Variants in SLC1A2 observed in about 807,000 individuals in gnomAD.
SLC1A2 encodes excitatory amino acid transporter 2.
In SLC1A2, 15 loss-of-function variants were observed where a neutral mutation model predicts 48.8. The ratio of observed to expected loss-of-function variants is 0.31; its 90% confidence interval spans 0.21 to 0.47. The LOEUF is 0.47. Among genes scored for constraint, SLC1A2 ranks in the 20% least tolerant of loss-of-function variants. The pLI is 0.99. For synonymous variants in SLC1A2, 279 were observed against 272.6 expected, an observed-to-expected ratio of 1.02 and a Z score of -0.23; for missense variants, 502 against 730.5, an observed-to-expected ratio of 0.69 and a Z score of 3.61.
rs962215961 is a variant in SLC1A2 at position 35,419,502 on chromosome 11, G to T, written c.-536C>A. 6.3e-6 allele frequency: 1 copy of T among 159,444 alleles called. No homozygotes were observed. The highest frequency in any genetic ancestry group is 2.4e-5 in the African/African-American group (1 of 41,602). 9.9% of individuals were successfully genotyped at this position (159,444 alleles called of 1,614,324 possible). A position where few individuals can be genotyped will look rare whatever the true frequency, so the allele number is the denominator to read the frequency against. On this transcript the variant is annotated 5_prime_UTR_variant, in exon 1 of 11. Transcript: ENST00000278379. This position sits in a 1 kb window ranked among gnomAD's most constrained non-coding sequence, Gnocchi z 5.4. Reference sequence around the variant, plus strand: ...AGGGATTGCAAGGTTTAGCCCCGCCGGAGCTGGGGATTTGCAGGCGATCCC... The same window carrying T: ...AGGGATTGCAAGGTTTAGCCCCGCCTGAGCTGGGGATTTGCAGGCGATCCC...
Position 35,255,821 on chromosome 11 carries a change from G to A in SLC1A2, c.*5073C>T, listed in dbSNP as rs868845963. On this transcript the variant is annotated 3_prime_UTR_variant, in exon 11 of 11. Coordinates refer to ENST00000278379, the MANE Select transcript of SLC1A2 (RefSeq NM_004171.4). ...CTTTTATTAAAAAACTTTTATTGGT[G>A]TCTCAAAATATCAAACTGTGAATGA... is the stretch of plus-strand genomic sequence containing the variant. The A allele has an allele frequency of 1.3e-5, 2 of 152,194 alleles. No homozygotes were observed. The highest frequency in any genetic ancestry group is 6.5e-5 in the Admixed American group (1 of 15,284). The allele number at this position is 152,194 out of a possible 1,614,324, so 9.4% of individuals were successfully genotyped here.
chr11:35,399,552 A>G (rs941195505), intron 1 of SLC1A2: 12 of 955,150 alleles, frequency 1.3e-5, no homozygotes, highest in Admixed American at 1.2e-4. Context: ...GAGACAAGAT[A>G]GTTACGAACA....
At chr11:35,378,191 T>C (rs962084779) in intron 1 of SLC1A2, among the ~76,000 whole-genome samples, 11 of 152,196 alleles carry the variant, frequency 7.2e-5, no homozygotes, top group African/African-American at 2.7e-4. Flanking sequence ...AAAAGCAATA[T>C]GCAAATTTAG....
rs112204760 is a variant in SLC1A2 at position 35,367,652 on chromosome 11, C to T, written c.18-50136G>A. On this transcript the variant is annotated intron_variant, in intron 1 of 10. Transcript: ENST00000278379. ...CATTTTTCCTTCACTCTGTCCTTGA[C>T]GTTTATTATGATCCACGTGCTACCA... is the stretch of plus-strand genomic sequence containing the variant. 9.5e-3 allele frequency among the ~76,000 whole-genome samples: 1,441 copies of T among 152,298 alleles called. 21 individuals are homozygous for T. Among genetic ancestry groups the T allele is most frequent in the African/African-American group, 0.027 (1,137 of 41,556 alleles).
intron 1 of SLC1A2, among the ~76,000 whole-genome samples, chr11:35,402,798 G>A (rs183685668): frequency 6.6e-5 from 10 of 152,336 alleles, no homozygotes; most frequent in Admixed American, 3.9e-4. Flanking sequence ...AAGACACCAC[G>A]CATTTGGAGT....
chr11:35,299,686 C>T (rs1171810072), intron 6 of SLC1A2: 2 of 148,016 alleles, frequency 1.4e-5, no homozygotes, highest in Non-Finnish European at 3.0e-5. Context: ...ACTACAGGCA[C>T]ATCACCATGT....
At chr11:35,399,024 G>C (rs1180897698) in intron 1 of SLC1A2, among the ~76,000 whole-genome samples, 1 of 152,172 alleles carries the variant, frequency 6.6e-6, no homozygotes, top group Non-Finnish European at 1.5e-5. Context: ...CTATGGCTGG[G>C]TCATTAGGGA....
At chr11:35,290,411 TATG>T (rs1464037902) in intron 7 of SLC1A2, among the ~76,000 whole-genome samples, 2 of 152,188 alleles carry the variant, frequency 1.3e-5, no homozygotes, top group African/African-American at 4.8e-5. Flanking sequence ...ATACAACTTT[TATG>T]ATACGTTGAC....
intron 1 of SLC1A2, among the ~76,000 whole-genome samples, chr11:35,417,259 T>A (rs963918768): frequency 6.6e-6 from 1 of 152,248 alleles, no homozygotes; most frequent in Non-Finnish European, 1.5e-5. Context: ...GAATGTCACA[T>A]CATTTGACAG....
At chr11:35,396,721 C>T (rs1165470314) in intron 1 of SLC1A2, among the ~76,000 whole-genome samples, 1 of 152,096 alleles carries the variant, frequency 6.6e-6, no homozygotes, top group African/African-American at 2.4e-5. Flanking sequence ...GTTGCCATTG[C>T]TTTTGGTGTT....
At chr11:35,370,868 A>T in intron 1 of SLC1A2, 11 of 766,852 alleles carry the variant, frequency 1.4e-5, no homozygotes, top group Non-Finnish European at 1.7e-5. Flanking sequence ...TGAGCTGCAC[A>T]TGCTGAGTGG....
chr11:35,264,396 C>G (rs1215071099), intron 10 of SLC1A2, among the ~76,000 whole-genome samples: 1 of 152,240 alleles, frequency 6.6e-6, no homozygotes, highest in Non-Finnish European at 1.5e-5. Flanking sequence ...TACCAGAGAT[C>G]TCTGGCTGGG....
At chr11:35,355,098 A>C (rs1309672686) in intron 1 of SLC1A2, among the ~76,000 whole-genome samples, 2 of 152,206 alleles carry the variant, frequency 1.3e-5, no homozygotes, top group Non-Finnish European at 2.9e-5. Context: ...TAGAAATACA[A>C]ACAAACAATA....
At chr11:35,366,615 T>C (rs530548188) in intron 1 of SLC1A2, among the ~76,000 whole-genome samples, 1 of 152,292 alleles carries the variant, frequency 6.6e-6, no homozygotes, top group Non-Finnish European at 1.5e-5. Flanking sequence ...CTGACTGCCT[T>C]CCTTGTCTCA....
intron 1 of SLC1A2, among the ~76,000 whole-genome samples, chr11:35,394,844 A>C (rs1854902446): frequency 6.6e-6 from 1 of 152,212 alleles, no homozygotes; most frequent in Non-Finnish European, 1.5e-5. Context: ...CAATAAAGAC[A>C]ACTGTTCTTC....
intron 1 of SLC1A2, chr11:35,380,370 T>C (rs992088202): frequency 1.3e-5 from 5 of 398,534 alleles, no homozygotes; most frequent in African/African-American, 2.1e-5. Context: ...CTGGTCATTG[T>C]GAGCACTAAC....
chr11:35,251,761 A>G lies in SLC1A2; in HGVS notation c.*9133T>C, dbSNP rs571322067. 6.5e-6 allele frequency: 1 copy of G among 152,764 alleles called. No individual in the cohort carries two copies. Among genetic ancestry groups the G allele is most frequent in the Admixed American group, 6.5e-5 (1 of 15,294 alleles). 9.5% of individuals were successfully genotyped at this position (152,764 alleles called of 1,614,324 possible). On this transcript the variant is annotated 3_prime_UTR_variant, in exon 11 of 11. Transcript: ENST00000278379. Reference sequence around the variant, plus strand: ...CAGCCACTGCAAATTAATGTGCTTCATGCCCCCTGATGATATTGTAGGCTT... The same window carrying G: ...CAGCCACTGCAAATTAATGTGCTTCGTGCCCCCTGATGATATTGTAGGCTT...
chr11:35,297,942 A>G (rs1173076258), intron 6 of SLC1A2: 1 of 152,190 alleles, frequency 6.6e-6, no homozygotes, highest in Non-Finnish European at 1.5e-5. Flanking sequence ...ACACCAGAAT[A>G]TCGGGGCTTA....
At chr11:35,292,984 A>G (rs933424401) in intron 6 of SLC1A2, among the ~76,000 whole-genome samples, 1 of 107,066 alleles carries the variant, frequency 9.3e-6, no homozygotes, top group Non-Finnish European at 2.3e-5. Flanking sequence ...GAAATGAGAG[A>G]GAGACAGAGA....
Sources: allele counts gnomAD v4.1 joint callset (sites outside exome capture counted in the v4.1 genomes callset), GRCh38; gene constraint gnomAD v4.1.1; non-coding constraint Gnocchi (gnomAD v3.1); transcripts MANE v1.5; gene names NCBI Gene and HGNC (gene_info 2026-07-23, HGNC 2026-07-21).